Variants in OGDH observed in about 807,000 individuals in gnomAD.
OGDH encodes the protein 2-oxoglutarate dehydrogenase complex component E1.
A neutral mutation model predicts 116.6 loss-of-function variants in OGDH; 38 were observed. The observed-to-expected ratio is 0.33, with a 90% CI of 0.25 to 0.43. The LOEUF is 0.43. Among genes scored for constraint, OGDH ranks in the 20% least tolerant of loss-of-function variants. OGDH has a pLI of 1.00. For missense variants in OGDH, 825 were observed against 1,357.2 expected (o/e 0.61, Z 6.16); for synonymous variants, 488 against 533.3 (o/e 0.92, Z 1.17).
intron 17 of OGDH, 95 bp from the exon 18 acceptor site, chr7:44,698,097 C>A: frequency 1.4e-6 from 2 of 1,391,288 alleles, no homozygotes; most frequent in Non-Finnish European, 2.0e-6. Context: ...AAAAAGATAA[C>A]CAGAAATGAG....
chr7:44,615,259 G>A (rs558817605), intron 1 of OGDH, among the ~76,000 whole-genome samples: 244 of 152,300 alleles, frequency 1.6e-3, no homozygotes, highest in Middle Eastern at 0.01. Flanking sequence ...GCTGGGGCAG[G>A]GAGGGGCTGC....
intron 8 of OGDH, 46 bp downstream of exon 8, chr7:44,675,314 A>G (rs1033632437): frequency 2.7e-6 from 4 of 1,472,864 alleles, no homozygotes; most frequent in Admixed American, 3.4e-5. Context: ...CCCAACTTAC[A>G]CAAGACCCCT....
At chr7:44,674,024 C>A in intron 6 of OGDH, 83 bp downstream of exon 6, 1 of 1,543,702 alleles carries the variant, frequency 6.5e-7, no homozygotes, top group Non-Finnish European at 8.9e-7. Flanking sequence ...CTGTGTGCAG[C>A]CTGTTGGCCG....
At chr7:44,610,541 A>G (rs1784522949) in intron 1 of OGDH, among the ~76,000 whole-genome samples, 1 of 151,746 alleles carries the variant, frequency 6.6e-6, no homozygotes, top group Non-Finnish European at 1.5e-5. Flanking sequence ...TGACCTCGCG[A>G]TCTGTCCACC....
chr7:44,691,423 T>G (rs566302062), intron 10 of OGDH, among the ~76,000 whole-genome samples: 9 of 149,196 alleles, frequency 6.0e-5, no homozygotes, highest in Non-Finnish European at 1.0e-4. Flanking sequence ...TCCCAGCTAC[T>G]GAGGAGGCTG....
chr7:44,681,058 C>T (rs545252297), intron 9 of OGDH, among the ~76,000 whole-genome samples: 1 of 152,322 alleles, frequency 6.6e-6, no homozygotes, highest in East Asian at 1.9e-4. Flanking sequence ...CTGGTGTTTG[C>T]CATCCATCAA....
intron 10 of OGDH, among the ~76,000 whole-genome samples, chr7:44,691,981 T>TTAAAAAAAAAAAAAAAA (rs1228471357): frequency 7.8e-5 from 8 of 102,604 alleles, no homozygotes; most frequent in African/African-American, 3.5e-4. Context: ...GACTCTGTCT[T>TTAAAAAAAAAAAAAAAA]AAAAAAAAAA....
intron 2 of OGDH, among the ~76,000 whole-genome samples, chr7:44,625,919 G>T (rs957040684): frequency 5.9e-5 from 9 of 152,122 alleles, no homozygotes; most frequent in African/African-American, 2.2e-4. Context: ...GTTACAGTGC[G>T]CTGTGATGGT....
intron 2 of OGDH, 85 bp from the exon 3 acceptor site, chr7:44,645,242 C>T: frequency 7.8e-7 from 1 of 1,276,992 alleles, no homozygotes; most frequent in Non-Finnish European, 1.1e-6. Flanking sequence ...CTTGCCTTGC[C>T]TGCAGAGAGC....
At chr7:44,667,746 A>T (rs887791400) in intron 5 of OGDH, among the ~76,000 whole-genome samples, 3 of 152,158 alleles carry the variant, frequency 2.0e-5, no homozygotes, top group Admixed American at 1.3e-4. Context: ...GCATGCCAAG[A>T]GTTGGCTATT....
intron 8 of OGDH, 67 bp from the exon 9 acceptor site, chr7:44,675,903 A>G: frequency 6.5e-7 from 1 of 1,547,836 alleles, no homozygotes; most frequent in Non-Finnish European, 8.8e-7. Context: ...ATTCCCGTAT[A>G]AAAGGGCTCT....
chr7:44,607,996 C>T lies in OGDH; in HGVS notation c.-28+1343C>T, dbSNP rs534290723. Among the ~76,000 whole-genome samples the T allele has an allele frequency of 4.0e-4, 53 of 133,762 alleles. 1 individual carries two copies. Among genetic ancestry groups the T allele is most frequent in the African/African-American group, 1.2e-3 (49 of 40,616 alleles). The allele number at this position is 133,762 out of a possible 152,430, so 87.8% of individuals were successfully genotyped here. On this transcript the variant is annotated intron_variant, in intron 1 of 22. Transcript: ENST00000222673. Reference sequence around the variant, plus strand: ...GATTACAGGCGTGAGCCACTGCGCCCGGCCCCTCATTATTTTTTTTAAGCG... The same window carrying T: ...GATTACAGGCGTGAGCCACTGCGCCTGGCCCCTCATTATTTTTTTTAAGCG...
In OGDH at chr7:44,697,130, G is replaced by A; in HGVS notation, c.2051+66G>A. On this transcript the variant is annotated intron_variant, in intron 15 of 22. Coordinates refer to ENST00000222673, the MANE Select transcript of OGDH (RefSeq NM_002541.4). This position sits in a 1 kb window ranked among gnomAD's most constrained non-coding sequence, Gnocchi z 6.0. ...AAGATGGAAAGGGAGGGGTTCTGGT[G>A]TTTCTTTTCCGGAAGACGGTTAGAA... 1.3e-6 allele frequency: 2 copies of A among 1,570,436 alleles called. No homozygotes were observed. Among genetic ancestry groups the A allele is most frequent in the East Asian group, 2.3e-5 (1 of 44,222 alleles).
chr7:44,660,135 T>C (rs1458761060), intron 4 of OGDH, among the ~76,000 whole-genome samples: 3 of 152,150 alleles, frequency 2.0e-5, no homozygotes, highest in Non-Finnish European at 4.4e-5. Context: ...TTTCTTTCAG[T>C]TGTTTTTGAG....
rs747686989 is a variant in OGDH at position 44,624,580 on chromosome 7, G to A, written c.222+15G>A. The A allele has an allele frequency of 5.0e-6, 8 of 1,604,312 alleles. No homozygotes were observed. The East Asian group carries it at 6.7e-5, about 13-fold the overall frequency. The stretch of plus-strand genomic sequence containing the variant: ...GTGTACATAAGGTAAGGCTCGCAGG[G>A]CTGTGGGTCTGCCTCATGTTGGTGT... On this transcript the variant is annotated intron_variant, in intron 2 of 22. Transcript: ENST00000222673.
chr7:44,655,074 CA>C (rs999421559), intron 4 of OGDH, among the ~76,000 whole-genome samples: 34 of 152,196 alleles, frequency 2.2e-4, no homozygotes, highest in African/African-American at 7.7e-4. Flanking sequence ...TTCACATACT[CA>C]GTACTAAGAA....
chr7:44,667,449 C>T (rs906679776), intron 5 of OGDH, among the ~76,000 whole-genome samples: 1 of 152,202 alleles, frequency 6.6e-6, no homozygotes, highest in Non-Finnish European at 1.5e-5. Flanking sequence ...GTGCACAGCT[C>T]AGTGTCAGGG....
At position 44,675,200 on chromosome 7, in the gene OGDH, A is replaced by C; in HGVS notation, c.958A>C (p.Asn320His). The C allele has an allele frequency of 1.2e-6, 2 of 1,614,092 alleles. No individual in the cohort carries two copies. Among genetic ancestry groups the C allele is most frequent in the Non-Finnish European group, 1.7e-6 (2 of 1,179,982 alleles). The change falls in exon 8 of 23, where the codon AAT becomes CAT. Residue 320 changes from asparagine (N) to histidine (H), a missense_variant. By Grantham distance (68) the Asn-to-His change is moderately conservative. This residue lies in a region of OGDH where 171 missense variants were observed against 276.8 expected (regional missense o/e 0.62). Transcript: ENST00000222673. ...CAGAGGGCGGCTGAACGTGCTTGCA[A>C]ATGTCATCAGGAAGGAGCTGGAACA... ...PHRGRLNVLA[N>H]VIRKELEQIF...
chr7:44,665,031 C>A (rs919478827), intron 4 of OGDH, among the ~76,000 whole-genome samples: 4 of 152,220 alleles, frequency 2.6e-5, no homozygotes, highest in African/African-American at 7.2e-5. Context: ...ACAAAATGTG[C>A]ACTGTTATTC....
Sources: allele counts gnomAD v4.1 joint callset (sites outside exome capture counted in the v4.1 genomes callset), GRCh38; gene constraint gnomAD v4.1.1; regional missense constraint gnomAD v4.1.1; non-coding constraint Gnocchi (gnomAD v3.1); transcripts MANE v1.5; gene names NCBI Gene and HGNC (gene_info 2026-07-23, HGNC 2026-07-21).